GEMIN5: variants seen among roughly 807,000 people sequenced by gnomAD.
The protein encoded by GEMIN5 is gem nuclear organelle associated protein 5, also known as gem-associated protein 5.
Under a neutral mutation model 176.9 loss-of-function variants are expected in GEMIN5, and 124 were observed. That is an observed-to-expected ratio of 0.70 (90% confidence interval 0.61 to 0.81). The LOEUF (loss-of-function observed/expected upper bound fraction) is 0.81, where lower values mean the gene tolerates loss of function less well. Ranked by LOEUF, GEMIN5 falls within the 40% of genes least tolerant of loss-of-function variation. The pLI is 0.00. For missense variants in GEMIN5, 1,843 were observed against 1,814.6 expected (o/e 1.02, Z -0.28); for synonymous variants, 673 against 665.2 (o/e 1.01, Z -0.18).
intron 22 of GEMIN5, 23 bp from the exon 23 acceptor site, chr5:154,898,673 A>G (rs1208956149): frequency 6.5e-7 from 1 of 1,527,928 alleles, no homozygotes; most frequent in South Asian, 1.1e-5. Context: ...TAAAAATGTG[A>G]AGAAAATGTC....
In GEMIN5 at chr5:154,904,386, C is replaced by T. The variant is rs1763527301; in HGVS notation, c.2632+121G>A. 7 of 876,698 alleles carry T rather than the reference C, an allele frequency of 8.0e-6. 1 individual carries two copies. The South Asian group carries it at 1.1e-4, about 14-fold the overall frequency. The allele number at this position is 876,698 out of a possible 1,614,324, so 54.3% of individuals were successfully genotyped here. A position where few individuals can be genotyped will look rare whatever the true frequency, so the allele number is the denominator to read the frequency against. ...GTGGAGGGAAGGGAGAGCTGGAGAA[C>T]ATAAAAATACAGAAAACAATTTAGA... On this transcript the variant is annotated intron_variant, in intron 18 of 27. Coordinates refer to ENST00000285873, the MANE Select transcript of GEMIN5 (RefSeq NM_015465.5).
chr5:154,926,062 C>G lies in GEMIN5; in HGVS notation c.1093G>C (p.Asp365His), dbSNP rs761792418. ...CAGCTGCACTCCAAGGTGGCTATGT[C>G]CCAACATTTTACCTGCAAAGATTAA... ...TSMDRDVKCW[D>H]IATLECSWTL... is the part of the protein sequence containing the mutation. The change falls in exon 8 of 28, where the codon GAC (aspartate) becomes CAC (histidine). Residue 365 changes from aspartate (D) to histidine (H), a missense_variant. Physicochemically the swap from Asp to His is moderately conservative, Grantham distance 81 (BLOSUM62 -1). Transcript: ENST00000285873. The G allele has an allele frequency of 6.2e-7, 1 of 1,609,690 alleles. No homozygotes were observed. The highest frequency in any genetic ancestry group is 2.2e-5 in the East Asian group (1 of 44,824).
intron 26 of GEMIN5, 118 bp from the exon 27 acceptor site, chr5:154,889,535 T>A (rs1168090281): frequency 3.7e-6 from 2 of 539,384 alleles, no homozygotes; most frequent in Non-Finnish European, 6.7e-6. Context: ...CTTAGCCATT[T>A]AAAAATACAT....
chr5:154,938,076 T>C lies in GEMIN5; in HGVS notation c.58A>G (p.Ser20Gly). ...PSPNWYCARC[S>G]DAVPGGLFGF... ...AAGAGGCCCCCGGGCACGGCATCGC[T>C]GCAGCGGGCGCAGTACCAGTTGGGG... The change falls in exon 1 of 28, where the codon AGC becomes GGC. Residue 20 changes from serine (S) to glycine (G), a missense_variant. By Grantham distance (56) the Ser-to-Gly change is moderately conservative. Coordinates refer to ENST00000285873, the MANE Select transcript of GEMIN5 (RefSeq NM_015465.5). 1 of 1,516,038 alleles carries C rather than the reference T, an allele frequency of 6.6e-7. No homozygotes were observed. The highest frequency in any genetic ancestry group is 8.8e-7 in the Non-Finnish European group (1 of 1,135,948). 93.9% of individuals were successfully genotyped at this position (1,516,038 alleles called of 1,614,324 possible).
chr5:154,888,682 C>G lies in GEMIN5; in HGVS notation c.4360-305G>C, dbSNP rs185308205. On this transcript the variant is annotated intron_variant, in intron 27 of 27. Coordinates refer to ENST00000285873, the MANE Select transcript of GEMIN5 (RefSeq NM_015465.5). Reference sequence around the variant, plus strand: ...ATATTTGGGCCCACAGCCAAAAAGACCTGTCCATCTGTAAGCTATCTAATA... The same window carrying G: ...ATATTTGGGCCCACAGCCAAAAAGAGCTGTCCATCTGTAAGCTATCTAATA... Among the ~76,000 whole-genome samples the G allele has an allele frequency of 4.9e-3, 748 of 152,248 alleles. 5 individuals carry two copies. The highest frequency in any genetic ancestry group is 9.0e-3 in the Non-Finnish European group (609 of 68,008).
intron 18 of GEMIN5, among the ~76,000 whole-genome samples, chr5:154,904,274 AG>A (rs2113471111): frequency 6.6e-6 from 1 of 152,360 alleles, no homozygotes; most frequent in African/African-American, 2.4e-5. Flanking sequence ...TTAGAATAAA[AG>A]CAGAGCGCTA....
In GEMIN5 at chr5:154,892,623, T is replaced by C. The variant is rs1763255547; in HGVS notation, c.3598-74A>G. On this transcript the variant is annotated intron_variant, in intron 24 of 27. Transcript: ENST00000285873. The stretch of plus-strand genomic sequence containing the variant: ...GCAGAGGATGCCACCAAACTGTTCC[T>C]GTGAACCGCATTTGGAAACAAGTAC... The C allele has an allele frequency of 6.4e-6, 9 of 1,404,992 alleles. No homozygotes were observed. The South Asian group carries it at 9.2e-5, about 14-fold the overall frequency. 87.0% of individuals were successfully genotyped at this position (1,404,992 alleles called of 1,614,324 possible). A position where few individuals can be genotyped will look rare whatever the true frequency, so the allele number is the denominator to read the frequency against.
At chr5:154,923,101 C>T (rs916336558) in intron 9 of GEMIN5, among the ~76,000 whole-genome samples, 9 of 151,636 alleles carry the variant, frequency 5.9e-5, no homozygotes, top group Non-Finnish European at 1.0e-4. Flanking sequence ...CAGCTCTGGC[C>T]GGGCACGGTA....
At position 154,936,099 on chromosome 5, in the gene GEMIN5, A is replaced by C. The variant is rs539490992; in HGVS notation, c.328-77T>G. ...TTTTTAACTTGTATCACAAACCAGC[A>C]TAATGCTACATATACACATTAAAAG... On this transcript the variant is annotated intron_variant, in intron 2 of 27. Coordinates refer to ENST00000285873, the MANE Select transcript of GEMIN5 (RefSeq NM_015465.5). 4.0e-4 allele frequency: 345 copies of C among 857,450 alleles called. 2 individuals are homozygous for C. Among genetic ancestry groups the C allele is most frequent in the Middle Eastern group, 2.6e-3 (9 of 3,402 alleles). The allele number at this position is 857,450 out of a possible 1,614,324, so 53.1% of individuals were successfully genotyped here.
In GEMIN5 at chr5:154,938,173, G is replaced by A. The variant is rs889443224; in HGVS notation, c.-40C>T. Reference sequence around the variant, plus strand: ...AGAGACAAGAGAAGCTGCCACAGCCGACCGCTCGTAGCCTCACGCCTTAGG... The same window carrying A: ...AGAGACAAGAGAAGCTGCCACAGCCAACCGCTCGTAGCCTCACGCCTTAGG... On this transcript the variant is annotated 5_prime_UTR_variant, in exon 1 of 28. Transcript: ENST00000285873. 7.5e-7 allele frequency: 1 copy of A among 1,331,932 alleles called. No individual in the cohort carries two copies. Among genetic ancestry groups the A allele is most frequent in the Non-Finnish European group, 9.7e-7 (1 of 1,032,810 alleles). The allele number at this position is 1,331,932 out of a possible 1,614,324, so 82.5% of individuals were successfully genotyped here. A position where few individuals can be genotyped will look rare whatever the true frequency, so the allele number is the denominator to read the frequency against.
chr5:154,917,097 A>G lies in GEMIN5; in HGVS notation c.1756T>C (p.Trp586Arg), dbSNP rs757120276. 6.2e-7 allele frequency: 1 copy of G among 1,608,536 alleles called. No homozygotes were observed. The highest frequency in any genetic ancestry group is 1.1e-5 in the South Asian group (1 of 90,578). Residue 586 changes from tryptophan to arginine, a missense_variant, in exon 13 of 28, where the codon TGG becomes CGG. Trp to Arg is a moderately radical substitution (Grantham distance 101). Coordinates refer to ENST00000285873, the MANE Select transcript of GEMIN5 (RefSeq NM_015465.5). ...QHHKLVNTIS[W>R]HHEHGSQPEL... ...GGCTGGCTGCCATGCTCATGATGCC[A>G]GCTAATGGTATTCACAAGCTTGTGA...
chr5:154,919,709 T>G (rs1245439321), intron 11 of GEMIN5, among the ~76,000 whole-genome samples: 5 of 152,244 alleles, frequency 3.3e-5, no homozygotes, highest in African/African-American at 1.2e-4. Flanking sequence ...AGACCTTTTT[T>G]TCAGTAGTTC....
chr5:154,900,240 C>T (rs1763436216), intron 21 of GEMIN5, among the ~76,000 whole-genome samples: 1 of 152,160 alleles, frequency 6.6e-6, no homozygotes, highest in African/African-American at 2.4e-5. Flanking sequence ...ATCTGAACAA[C>T]TCAGTAAACA....
Position 154,902,668 on chromosome 5 carries a change from G to A in GEMIN5, c.2737C>T (p.His913Tyr). Residue 913 changes from histidine to tyrosine, a missense_variant, in exon 20 of 28, where the codon CAC (histidine) becomes TAC (tyrosine). Transcript: ENST00000285873. Reference sequence around the variant, plus strand: ...AACTCAGGGTGGCCATTTTCTAAGTGACCTTTTCCTGTTTGAAAGAGAGAT... The same window carrying A: ...AACTCAGGGTGGCCATTTTCTAAGTAACCTTTTCCTGTTTGAAAGAGAGAT... The part of the protein sequence containing the change: ...YRMIDIEGKG[H>Y]LENGHPELFH... 6.2e-7 allele frequency: 1 copy of A among 1,613,870 alleles called. No individual in the cohort carries two copies. The highest frequency in any genetic ancestry group is 8.5e-7 in the Non-Finnish European group (1 of 1,179,806).
At position 154,917,159 on chromosome 5, in the gene GEMIN5, A is replaced by C; in HGVS notation, c.1694T>G (p.Ile565Ser). The C allele has an allele frequency of 6.7e-7, 1 of 1,498,850 alleles. No homozygotes were observed. Among genetic ancestry groups the C allele is most frequent in the South Asian group, 1.3e-5 (1 of 75,940 alleles). The allele number at this position is 1,498,850 out of a possible 1,614,324, so 92.8% of individuals were successfully genotyped here. A position where few individuals can be genotyped will look rare whatever the true frequency, so the allele number is the denominator to read the frequency against. Residue 565 changes from isoleucine (I) to serine (S), a missense_variant, in exon 13 of 28, where the codon ATT becomes AGT. Physicochemically the swap from Ile to Ser is moderately radical, Grantham distance 142. Coordinates refer to ENST00000285873, the MANE Select transcript of GEMIN5 (RefSeq NM_015465.5). ...AGTACAGATCAGTTTCAGGTTGGGA[A>C]TCTGAAATATTTCTATTGATCTGGA... ...NEDGSIEIFQ[I>S]PNLKLICTIQ...
chr5:154,901,421 A>G lies in GEMIN5; in HGVS notation c.2932T>C (p.Tyr978His). ...AGTAGGTGAGAAGCAGCCTTGACAT[A>G]CTGATCCTGAAAACACAGCTGTTTG... ...FAKQLCFQDQ[Y>H]VKAASHLLSI... is the part of the protein sequence containing the mutation. The change falls in exon 21 of 28, where the codon TAT (tyrosine) becomes CAT (histidine). Residue 978 changes from tyrosine (Y) to histidine (H), a missense_variant. Transcript: ENST00000285873. 1.2e-6 allele frequency: 2 copies of G among 1,613,976 alleles called. No homozygotes were observed. Among genetic ancestry groups the G allele is most frequent in the Non-Finnish European group, 8.5e-7 (1 of 1,179,832 alleles).
At chr5:154,933,918 C>T (rs1459639470) in intron 3 of GEMIN5, among the ~76,000 whole-genome samples, 38 of 152,258 alleles carry the variant, frequency 2.5e-4, no homozygotes, top group Admixed American at 1.8e-3. Flanking sequence ...AAGAGACTGC[C>T]GATCCAGTCC....
At chr5:154,898,033 T>C (rs896306903) in intron 23 of GEMIN5, among the ~76,000 whole-genome samples, 1 of 149,664 alleles carries the variant, frequency 6.7e-6, no homozygotes. Flanking sequence ...CCAAGTAAGC[T>C]AGGATTACAG....
At position 154,936,033 on chromosome 5, in the gene GEMIN5, A is replaced by T. The variant is rs746046204; in HGVS notation, c.328-11T>A. ...TGTTGATATCGTATGCTTTAAAACAAAACAAAAATTTGTTATTGTCAATGC... is the reference window on the plus strand; with the variant it reads ...TGTTGATATCGTATGCTTTAAAACATAACAAAAATTTGTTATTGTCAATGC... On this transcript the variant is annotated splice_polypyrimidine_tract_variant and intron_variant, in intron 2 of 27. Coordinates refer to ENST00000285873, the MANE Select transcript of GEMIN5 (RefSeq NM_015465.5). The T allele has an allele frequency of 1.0e-5, 16 of 1,547,390 alleles. No individual in the cohort carries two copies. Among genetic ancestry groups the T allele is most frequent in the Non-Finnish European group, 1.4e-5 (16 of 1,145,868 alleles).
Sources: allele counts gnomAD v4.1 joint callset (sites outside exome capture counted in the v4.1 genomes callset), GRCh38; gene constraint gnomAD v4.1.1; transcripts MANE v1.5; gene names NCBI Gene and HGNC (gene_info 2026-07-23, HGNC 2026-07-21).